BCL2L14: variants seen among roughly 807,000 people sequenced by gnomAD.
BCL2L14 encodes BCL2 like 14, also known as apoptosis facilitator Bcl-2-like protein 14.
A neutral mutation model predicts 35.3 loss-of-function variants in BCL2L14; 27 were observed. The observed-to-expected ratio is 0.76, with a 90% CI of 0.56 to 1.05. BCL2L14 has a LOEUF of 1.05. BCL2L14 is among the 50% of genes least tolerant of loss of function. BCL2L14 has a pLI of 0.00. For synonymous variants in BCL2L14, 139 were observed against 145.9 expected (o/e 0.95, Z 0.34); for missense variants, 377 against 382.6 (o/e 0.99, Z 0.12).
chr12:12,057,086 A>G (rs1012700761), intron 2 of BCL2L14, among the ~76,000 whole-genome samples: 1 of 152,244 alleles, frequency 6.6e-6, no homozygotes, highest in African/African-American at 2.4e-5. Context: ...AACCAGCTCA[A>G]AGGAGAAAAC....
chr12:12,066,931 C>T (rs907678886), upstream of BCL2L14, among the ~76,000 whole-genome samples: 1 of 152,050 alleles, frequency 6.6e-6, no homozygotes, highest in African/African-American at 2.4e-5. Context: ...AGGATGGTCT[C>T]GATCTCCTGA....
intron 2 of BCL2L14, among the ~76,000 whole-genome samples, chr12:12,061,149 T>G (rs4763766): frequency 7.8e-6 from 1 of 127,616 alleles, no homozygotes; most frequent in Non-Finnish European, 1.6e-5. Context: ...CTTATTAGAC[T>G]GAGACACTTT....
At position 12,087,351 on chromosome 12, in the gene BCL2L14, A is replaced by G. The variant is rs113665428; in HGVS notation, c.572A>G (p.Gln191Arg). The change falls in exon 3 of 6, where the codon CAA (glutamine) becomes CGA (arginine). Residue 191 changes from glutamine (Q) to arginine (R), a missense_variant. Gln to Arg is a conservative substitution (Grantham distance 43). Transcript: ENST00000308721. ...ACTGAGGGTCTCTCCTTCCAGCTCC[A>G]AGGCCACGTGCCTGTAGCTTCAAGT... ...FVTEGLSFQL[Q>R]GHVPVASSSK... 1 of 1,614,216 alleles carries G rather than the reference A, an allele frequency of 6.2e-7. No individual in the cohort carries two copies. The highest frequency in any genetic ancestry group is 1.3e-5 in the African/African-American group (1 of 75,058).
chr12:12,070,075 G>A (rs1238820880), upstream of BCL2L14, among the ~76,000 whole-genome samples: 4 of 152,200 alleles, frequency 2.6e-5, no homozygotes, highest in African/African-American at 4.8e-5. Context: ...AAAATCAGAT[G>A]TAACTGTTTC....
intron 1 of BCL2L14, among the ~76,000 whole-genome samples, chr12:12,050,710 T>A (rs1948339646): frequency 6.7e-6 from 1 of 148,998 alleles, no homozygotes; most frequent in Admixed American, 6.7e-5. Flanking sequence ...GGGTGTCCAA[T>A]CTTTTGGCTT....
intron 4 of BCL2L14, among the ~76,000 whole-genome samples, chr12:12,091,528 G>A (rs533877840): frequency 6.6e-6 from 1 of 152,316 alleles, no homozygotes; most frequent in South Asian, 2.1e-4. Flanking sequence ...CTGTCAATCA[G>A]GGGCTGGCTT....
intron 1 of BCL2L14, among the ~76,000 whole-genome samples, chr12:12,076,384 A>G (rs1591818713): frequency 6.6e-6 from 1 of 152,086 alleles, no homozygotes; most frequent in African/African-American, 2.4e-5. Context: ...CAGTGGCGGG[A>G]AGAAAGATTG....
chr12:12,085,201 C>A (rs765097837), intron 2 of BCL2L14, among the ~76,000 whole-genome samples: 2 of 152,012 alleles, frequency 1.3e-5, no homozygotes, highest in Non-Finnish European at 2.9e-5. Flanking sequence ...GGGGACAGAG[C>A]CTTTGGGACC....
At position 12,055,865 on chromosome 12, in the gene BCL2L14, G is replaced by A. The variant is rs1289510539; in HGVS notation, c.-272+4018G>A. On this transcript the variant is annotated intron_variant, in intron 2 of 3. Transcript: ENST00000461264. ...TCATATTTGTGTTTTCATAGCCACT[G>A]ACAAAGACTGTGTCCTTGACCAAAC... 2.0e-5 allele frequency: 3 copies of A among 152,322 alleles called. No homozygotes were observed. The Middle Eastern group carries it at 0.01, about 518-fold the overall frequency. The allele number at this position is 152,322 out of a possible 1,614,324, so 9.4% of individuals were successfully genotyped here. A position where few individuals can be genotyped will look rare whatever the true frequency, so the allele number is the denominator to read the frequency against.
intron 2 of BCL2L14, among the ~76,000 whole-genome samples, chr12:12,082,824 G>C (rs982002827): frequency 3.9e-5 from 6 of 152,160 alleles, no homozygotes; most frequent in African/African-American, 1.4e-4. Flanking sequence ...CATTTAGTCA[G>C]TTAATTGTGT....
rs1210621512 is a variant in BCL2L14, at chr12:12,060,743, C to T, written c.-272+8896C>T. Among the ~76,000 whole-genome samples the T allele has an allele frequency of 2.3e-4, 19 of 81,644 alleles. No individual in the cohort carries two copies. The South Asian group carries it at 4.0e-3, about 17-fold the overall frequency. The allele number at this position is 81,644 out of a possible 152,430, so 53.6% of individuals were successfully genotyped here. Reference sequence around the variant, plus strand: ...CCTCCTAAGCCGTGTCCCATCTGTGCGGGACCCCACTGGAAATCAGACTGT... The same window carrying T: ...CCTCCTAAGCCGTGTCCCATCTGTGTGGGACCCCACTGGAAATCAGACTGT... On this transcript the variant is annotated intron_variant, in intron 2 of 3. Coordinates refer to the BCL2L14 transcript ENST00000461264.
rs74064619 is a variant in BCL2L14, at chr12:12,087,036, G to A, written c.434-177G>A. On this transcript the variant is annotated intron_variant, in intron 2 of 5. Coordinates refer to ENST00000308721, the MANE Select transcript of BCL2L14 (RefSeq NM_138723.2). ...CCTGCATGCACCCCTCCCACATCCC[G>A]GCCTCTGCCAGGCAACTTTCAGTCC... 6.5e-3 allele frequency among the ~76,000 whole-genome samples: 990 copies of A among 152,128 alleles called. 14 individuals are homozygous for A. Among genetic ancestry groups the A allele is most frequent in the African/African-American group, 0.022 (925 of 41,502 alleles).
At chr12:12,097,835 G>C (rs1005742939) in intron 5 of BCL2L14, among the ~76,000 whole-genome samples, 5 of 151,848 alleles carry the variant, frequency 3.3e-5, no homozygotes, top group African/African-American at 1.2e-4. Context: ...GAATTATTCA[G>C]TAGGAATACT....
At chr12:12,057,872 TC>T (rs1948456061) in intron 2 of BCL2L14, among the ~76,000 whole-genome samples, 1 of 145,228 alleles carries the variant, frequency 6.9e-6, no homozygotes, top group African/African-American at 2.6e-5. Flanking sequence ...GTGCCTGGGC[TC>T]CCTCAAATTC....
At chr12:12,051,998 C>T (rs750437603) in intron 2 of BCL2L14, among the ~76,000 whole-genome samples, 8 of 152,116 alleles carry the variant, frequency 5.3e-5, no homozygotes, top group Non-Finnish European at 1.0e-4. Context: ...GTGAGAAGGA[C>T]GTGGGTGGTG....
intron 2 of BCL2L14, among the ~76,000 whole-genome samples, chr12:12,063,087 C>A (rs566402994): frequency 6.6e-6 from 1 of 152,208 alleles, no homozygotes; most frequent in African/African-American, 2.4e-5. Context: ...AGACAGCAGA[C>A]CAACTTAGAC....
intron 2 of BCL2L14, among the ~76,000 whole-genome samples, chr12:12,065,367 C>G (rs1349298823): frequency 2.6e-5 from 4 of 152,002 alleles, no homozygotes; most frequent in Non-Finnish European, 5.9e-5. Flanking sequence ...GAAACCCTGT[C>G]TCTACTAAAA....
intron 2 of BCL2L14, among the ~76,000 whole-genome samples, chr12:12,056,814 C>T (rs559628282): frequency 1.3e-4 from 18 of 133,808 alleles, no homozygotes; most frequent in South Asian, 1.1e-3. Context: ...CCAGCCTGGA[C>T]GACAAGAGCG....
Position 12,087,222 on chromosome 12 carries a change from C to A in BCL2L14, c.443C>A (p.Pro148His). The change falls in exon 3 of 6, where the codon CCC (proline) becomes CAC (histidine). Residue 148 changes from proline to histidine, a missense_variant. Transcript: ENST00000308721. ...TTTTGTCTTGTTTCAGCTGTGGACCCCAAAGTCATTTCCATTGCCAACCGA... is the reference window on the plus strand; with the variant it reads ...TTTTGTCTTGTTTCAGCTGTGGACCACAAAGTCATTTCCATTGCCAACCGA... Reference protein sequence around the residue: ...EQCLEHEAVDPKVISIANRVA... With the variant: ...EQCLEHEAVDHKVISIANRVA... 6.2e-7 allele frequency: 1 copy of A among 1,614,148 alleles called. No homozygotes were observed. The highest frequency in any genetic ancestry group is 8.5e-7 in the Non-Finnish European group (1 of 1,180,006).
Sources: gnomAD v4.1 joint callset for allele counts (sites outside exome capture counted in the v4.1 genomes callset) on GRCh38, gnomAD v4.1.1 for gene constraint, MANE v1.5 for transcripts, NCBI Gene and HGNC (gene_info 2026-07-23, HGNC 2026-07-21) for gene names.